The following TENM3 variants were observed in gnomAD, a reference collection of about 807,000 sequenced individuals.
TENM3 encodes teneurin transmembrane protein 3, also known as teneurin-3.
Under a neutral mutation model 255.1 loss-of-function variants are expected in TENM3, and 63 were observed. The observed-to-expected ratio is 0.25, with a 90% CI of 0.20 to 0.30. TENM3 has a LOEUF of 0.30. TENM3 is among the 10% of genes least tolerant of loss of function. TENM3 has a pLI of 1.00. For synonymous variants in TENM3, 1,306 were observed against 1,322.3 expected, an observed-to-expected ratio of 0.99 and a Z score of 0.27; for missense variants, 2,929 against 3,461.1, an observed-to-expected ratio of 0.85 and a Z score of 3.86.
At chr4:181,758,442 C>T in the TENM3 span, among the ~76,000 whole-genome samples, 12 of 152,234 alleles carry the variant, frequency 7.9e-5, no homozygotes, top group African/African-American at 2.9e-4. Context: ...AGAGCCTTTA[C>T]GAATTTTTGG....
intron 1 of TENM3, among the ~76,000 whole-genome samples, chr4:182,199,923 C>T (rs893858157): frequency 6.6e-6 from 1 of 151,982 alleles, no homozygotes; most frequent in African/African-American, 2.4e-5. Flanking sequence ...GACAGGGTTT[C>T]GCCATGTTGC....
chr4:181,769,696 G>A, the TENM3 span, among the ~76,000 whole-genome samples: 1 of 152,094 alleles, frequency 6.6e-6, no homozygotes, highest in African/African-American at 2.4e-5. Flanking sequence ...TCTAATAACT[G>A]ATTTGTGGAA....
chr4:181,849,997 T>G, the TENM3 span, among the ~76,000 whole-genome samples: 2 of 83,410 alleles, frequency 2.4e-5, no homozygotes, highest in South Asian at 8.4e-4. Flanking sequence ...AGAGTCTTCC[T>G]CCAGCCCCCG....
At position 182,770,870 on chromosome 4, in the gene TENM3, C is replaced by G. The variant is rs537493317; in HGVS notation, c.4893-2602C>G. Among the ~76,000 whole-genome samples the G allele has an allele frequency of 2.0e-5, 3 of 152,340 alleles. No homozygotes were observed. In the South Asian group the frequency reaches 6.2e-4, roughly 32 times the overall value. The stretch of plus-strand genomic sequence containing the variant: ...AGGACCCTGACACCGGAGCAGCCTT[C>G]CTTGTGCAAACACTTCAGCCCTGTT... On this transcript the variant is annotated intron_variant, in intron 22 of 27. Transcript: ENST00000511685.
the TENM3 span, among the ~76,000 whole-genome samples, chr4:181,926,096 G>A: frequency 6.6e-6 from 1 of 152,136 alleles, no homozygotes. Context: ...AGAATATGCA[G>A]CCACCTATAC....
intron 3 of TENM3, among the ~76,000 whole-genome samples, chr4:182,595,419 T>C (rs1163325087): frequency 6.6e-6 from 1 of 152,154 alleles, no homozygotes; most frequent in Non-Finnish European, 1.5e-5. Context: ...TCTTAACCCA[T>C]GCCAGCAGGT....
At chr4:181,567,000 C>T in the TENM3 span, among the ~76,000 whole-genome samples, 1 of 152,162 alleles carries the variant, frequency 6.6e-6, no homozygotes, top group Non-Finnish European at 1.5e-5. Flanking sequence ...CCTCCCAGAG[C>T]TTACCTGGGC....
intron 6 of TENM3, among the ~76,000 whole-genome samples, chr4:182,669,721 A>G (rs1755045474): frequency 6.6e-6 from 1 of 152,186 alleles, no homozygotes; most frequent in Non-Finnish European, 1.5e-5. Flanking sequence ...AAACTTAGTA[A>G]TTTAAAATAA....
chr4:182,344,703 C>T (rs775723291), intron 2 of TENM3, among the ~76,000 whole-genome samples: 2 of 152,060 alleles, frequency 1.3e-5, no homozygotes, highest in Non-Finnish European at 2.9e-5. Flanking sequence ...AACAAAGGAT[C>T]TTATTTATTT....
rs1476915269 is a variant in TENM3, at chr4:182,754,922, C to G, written c.4555C>G (p.Gln1519Glu). ...CTATGAAGTTGCGTCTCCAACTGAT[C>G]AAGAACTCTACATCTTTGACATCAA... ...NFYEVASPTD[Q>E]ELYIFDINGT... The change falls in exon 22 of 28, where the codon CAA (glutamine) becomes GAA (glutamate). Residue 1519 changes from glutamine to glutamate, a missense_variant. Physicochemically the swap from Gln to Glu is conservative, Grantham distance 29. Transcript: ENST00000511685. This position sits in a 1 kb window ranked among gnomAD's most constrained non-coding sequence, Gnocchi z 5.1. The G allele has an allele frequency of 3.1e-6, 5 of 1,614,042 alleles. No individual in the cohort carries two copies. The highest frequency in any genetic ancestry group is 4.2e-6 in the Non-Finnish European group (5 of 1,179,898).
At chr4:182,098,963 C>CTT in the TENM3 span, among the ~76,000 whole-genome samples, 71 of 131,244 alleles carry the variant, frequency 5.4e-4, 2 homozygotes, top group African/African-American at 1.0e-3. Context: ...CTCTTTTTTT[C>CTT]TTTTTTTTTT....
intron 1 of TENM3, among the ~76,000 whole-genome samples, chr4:182,177,972 T>TG (rs1438932360): frequency 1.4e-3 from 207 of 151,310 alleles, no homozygotes; most frequent in African/African-American, 4.7e-3. Flanking sequence ...TTTTTTTTTT[T>TG]TTTGCTTTAA....
chr4:181,476,136 T>A, the TENM3 span, among the ~76,000 whole-genome samples: 1 of 151,954 alleles, frequency 6.6e-6, no homozygotes, highest in Non-Finnish European at 1.5e-5. Flanking sequence ...ACATCTTCCC[T>A]AGAGTAAGAT....
the TENM3 span, among the ~76,000 whole-genome samples, chr4:181,553,602 C>G: frequency 6.6e-6 from 1 of 151,756 alleles, no homozygotes. Flanking sequence ...CCACCACGCC[C>G]GGCTAATTTT....
At chr4:181,448,649 G>A in the TENM3 span, among the ~76,000 whole-genome samples, 6 of 152,114 alleles carry the variant, frequency 3.9e-5, no homozygotes, top group African/African-American at 1.4e-4. Flanking sequence ...TGGAAATCAA[G>A]GATATTGGCT....
intron 2 of TENM3, among the ~76,000 whole-genome samples, chr4:182,338,581 G>A (rs1764285812): frequency 6.6e-6 from 1 of 152,050 alleles, no homozygotes; most frequent in East Asian, 1.9e-4. Context: ...CAAAAGAATT[G>A]AAATCATATT....
chr4:182,192,204 C>T (rs1017848875), intron 1 of TENM3, among the ~76,000 whole-genome samples: 9 of 152,130 alleles, frequency 5.9e-5, no homozygotes, highest in African/African-American at 1.7e-4. Context: ...GCCAGAGACA[C>T]GACAACATAC....
chr4:181,501,506 G>T, the TENM3 span, among the ~76,000 whole-genome samples: 1 of 151,912 alleles, frequency 6.6e-6, no homozygotes, highest in Non-Finnish European at 1.5e-5. Context: ...AGCCTCCCAA[G>T]TAGTGGGATT....
chr4:181,622,281 A>G, the TENM3 span, among the ~76,000 whole-genome samples: 3 of 152,132 alleles, frequency 2.0e-5, no homozygotes, highest in Non-Finnish European at 4.4e-5. Flanking sequence ...TCACCCTTGC[A>G]GCTCTTGGAT....
Sources: gnomAD v4.1 joint callset for allele counts (sites outside exome capture counted in the v4.1 genomes callset) on GRCh38, gnomAD v4.1.1 for gene constraint, Gnocchi (gnomAD v3.1) non-coding constraint, MANE v1.5 for transcripts, NCBI Gene and HGNC (gene_info 2026-07-23, HGNC 2026-07-21) for gene names.